Variants in EPB41L4B observed in about 807,000 individuals in gnomAD.
EPB41L4B encodes band 4.1-like protein 4B.
Under a neutral mutation model 112.5 loss-of-function variants are expected in EPB41L4B, and 30 were observed. The observed-to-expected ratio is 0.27, with a 90% CI of 0.20 to 0.36. The LOEUF (loss-of-function observed/expected upper bound fraction) is 0.36, where lower values mean the gene tolerates loss of function less well. Ranked by LOEUF, EPB41L4B falls within the 10% of genes least tolerant of loss-of-function variation. The pLI, the probability that EPB41L4B is intolerant of heterozygous loss-of-function variation, is 1.00. For synonymous variants in EPB41L4B, 408 were observed against 439.7 expected, an observed-to-expected ratio of 0.93 and a Z score of 0.90; for missense variants, 1,024 against 1,133.3, an observed-to-expected ratio of 0.90 and a Z score of 1.38.
At chr9:109,252,537 C>T (rs1015207243) in intron 12 of EPB41L4B, among the ~76,000 whole-genome samples, 1 of 152,102 alleles carries the variant, frequency 6.6e-6, no homozygotes, top group Non-Finnish European at 1.5e-5. Flanking sequence ...GTTGCACCAT[C>T]GGTTCATAAA....
intron 15 of EPB41L4B, among the ~76,000 whole-genome samples, chr9:109,242,844 C>T (rs1242871749): frequency 1.4e-5 from 1 of 71,186 alleles, no homozygotes; most frequent in Non-Finnish European, 2.5e-5. Flanking sequence ...ACAAAGCTAG[C>T]CTTAAAAAAA....
chr9:109,266,883 C>T (rs747569775), intron 4 of EPB41L4B, among the ~76,000 whole-genome samples: 2 of 144,180 alleles, frequency 1.4e-5, no homozygotes, highest in African/African-American at 5.1e-5. Context: ...GCAGGAGAAT[C>T]GCTTGAACCC....
At chr9:109,265,337 G>C (rs1835362561) in intron 4 of EPB41L4B, among the ~76,000 whole-genome samples, 1 of 152,242 alleles carries the variant, frequency 6.6e-6, no homozygotes, top group Non-Finnish European at 1.5e-5. Flanking sequence ...GCCGAACGTG[G>C]CACATGGGCA....
At chr9:109,317,570 G>T (rs1422771089) in intron 1 of EPB41L4B, among the ~76,000 whole-genome samples, 1 of 152,204 alleles carries the variant, frequency 6.6e-6, no homozygotes, top group Admixed American at 6.5e-5. Context: ...CAGAACACAA[G>T]CATCCTAACT....
chr9:109,277,109 A>G (rs1835859369), intron 2 of EPB41L4B, among the ~76,000 whole-genome samples: 1 of 152,144 alleles, frequency 6.6e-6, no homozygotes, highest in Non-Finnish European at 1.5e-5. Context: ...GATATTCTGA[A>G]GCCAAAAATA....
chr9:109,181,960 A>T (rs1175927994), intron 24 of EPB41L4B, among the ~76,000 whole-genome samples: 2 of 152,182 alleles, frequency 1.3e-5, no homozygotes, highest in Non-Finnish European at 1.5e-5. Flanking sequence ...TGTAATCCCA[A>T]CACTTTGGGA....
chr9:109,255,797 C>G lies in EPB41L4B; in HGVS notation c.976G>C (p.Val326Leu), dbSNP rs762192572. The change falls in exon 10 of 26, where the codon GTG becomes CTG. Residue 326 changes from valine (V) to leucine (L), a missense_variant. Coordinates refer to ENST00000374566, the MANE Select transcript of EPB41L4B (RefSeq NM_019114.5). ...ACCTGATCATCATCCTCGACCACCA[C>G]GAGTGTCAATTTGCTCTTTTTAAAA... ...MDFKKSKLTL[V>L]VVEDDDQGRE... is the part of the protein sequence containing the mutation. 1.9e-5 allele frequency: 30 copies of G among 1,613,814 alleles called. No individual in the cohort carries two copies. Among genetic ancestry groups the G allele is most frequent in the Non-Finnish European group, 2.5e-5 (29 of 1,179,966 alleles).
chr9:109,195,272 G>T (rs888156527), intron 20 of EPB41L4B, among the ~76,000 whole-genome samples: 2 of 151,944 alleles, frequency 1.3e-5, no homozygotes, highest in African/African-American at 2.4e-5. Context: ...ATGACAGGTA[G>T]GCACCAGTGC....
intron 1 of EPB41L4B, among the ~76,000 whole-genome samples, chr9:109,310,613 C>T (rs1335351371): frequency 2.0e-5 from 3 of 152,158 alleles, no homozygotes; most frequent in South Asian, 2.1e-4. Flanking sequence ...CACCCCCAAA[C>T]GAAGCCCAGA....
At chr9:109,266,700 G>A (rs540944617) in intron 4 of EPB41L4B, among the ~76,000 whole-genome samples, 1 of 152,230 alleles carries the variant, frequency 6.6e-6, no homozygotes, top group African/African-American at 2.4e-5. Context: ...GGGCGCAGTG[G>A]CTCACACCTG....
intron 1 of EPB41L4B, chr9:109,307,259 G>A (rs12380007): frequency 2.0e-6 from 1 of 493,196 alleles, no homozygotes; most frequent in South Asian, 1.5e-5. Context: ...CTTTAATTAA[G>A]AGGAACTTCA....
At chr9:109,297,906 T>A (rs1323455457) in intron 1 of EPB41L4B, among the ~76,000 whole-genome samples, 1 of 152,242 alleles carries the variant, frequency 6.6e-6, no homozygotes, top group Non-Finnish European at 1.5e-5. Context: ...ATGAACTTTT[T>A]TCCTTTAACC....
intron 2 of EPB41L4B, among the ~76,000 whole-genome samples, chr9:109,276,047 A>AT (rs1835803217): frequency 3.4e-5 from 5 of 147,700 alleles, no homozygotes; most frequent in South Asian, 2.1e-4. Flanking sequence ...ATATATATAT[A>AT]AAATATATGT....
At position 109,256,437 on chromosome 9, in the gene EPB41L4B, C is replaced by T. The variant is rs771050775; in HGVS notation, c.796G>A (p.Ala266Thr). ...AQAELSYLNK[A>T]KWLEMYGVDM... ...ACCCCATACATTTCCAGCCACTTCG[C>T]TTTATTCAGATAGGAGAGTTCCGCC... Residue 266 changes from alanine (A) to threonine (T), a missense_variant, in exon 8 of 26, where the codon GCG (alanine) becomes ACG (threonine). Coordinates refer to ENST00000374566, the MANE Select transcript of EPB41L4B (RefSeq NM_019114.5). 3 of 1,614,104 alleles carry T rather than the reference C, an allele frequency of 1.9e-6. No individual in the cohort carries two copies. Among genetic ancestry groups the T allele is most frequent in the Non-Finnish European group, 2.5e-6 (3 of 1,180,036 alleles).
rs1359356043 is a variant in EPB41L4B at position 109,194,366 on chromosome 9, C to T, written c.2077G>A (p.Glu693Lys). The stretch of plus-strand genomic sequence containing the variant: ...GTAGATGTGGTCACTCCCACTGCCT[C>T]GGCCAGGTCTGGAGGGAGGTCGTCT... ...DEDDLPPDLA[E>K]AVGVTTSTTT... is the part of the protein sequence containing the mutation. Residue 693 changes from glutamate to lysine, a missense_variant, in exon 21 of 26, where the codon GAG (glutamate) becomes AAG (lysine). Glu to Lys is a moderately conservative substitution (Grantham distance 56, BLOSUM62 1). Transcript: ENST00000374566. 3 of 1,614,048 alleles carry T rather than the reference C, an allele frequency of 1.9e-6. No homozygotes were observed. The highest frequency in any genetic ancestry group is 1.6e-4 in the Middle Eastern group (1 of 6,082).
At chr9:109,255,976 C>T in intron 9 of EPB41L4B, 133 bp from the exon 10 acceptor site, 2 of 1,204,964 alleles carry the variant, frequency 1.7e-6, no homozygotes, top group Non-Finnish European at 2.3e-6. Flanking sequence ...TGTGATTATC[C>T]AGAAGTTTCA....
chr9:109,295,718 G>A (rs539522211), intron 1 of EPB41L4B, among the ~76,000 whole-genome samples: 2 of 152,106 alleles, frequency 1.3e-5, no homozygotes, highest in South Asian at 2.1e-4. Flanking sequence ...GGCAAGGCTC[G>A]CATTTCTGCT....
intron 15 of EPB41L4B, chr9:109,241,737 G>T (rs1834359324): frequency 6.2e-7 from 1 of 1,614,024 alleles, no homozygotes; most frequent in Non-Finnish European, 8.5e-7. Flanking sequence ...TCTGGTCGTG[G>T]ACATAATCAA....
At chr9:109,219,454 G>A (rs772595666) in intron 15 of EPB41L4B, among the ~76,000 whole-genome samples, 28 of 152,172 alleles carry the variant, frequency 1.8e-4, no homozygotes, top group Non-Finnish European at 4.1e-4. Flanking sequence ...TCCGCCTCCC[G>A]GGTTCACGCC....
Sources: allele counts gnomAD v4.1 joint callset (sites outside exome capture counted in the v4.1 genomes callset), GRCh38; gene constraint gnomAD v4.1.1; transcripts MANE v1.5; gene names NCBI Gene and HGNC (gene_info 2026-07-23, HGNC 2026-07-21).